Variants in LPIN1 observed in about 807,000 individuals in gnomAD.
LPIN1 encodes phosphatidate phosphatase LPIN1.
LPIN1 carries 71 observed loss-of-function variants against 107.5 expected under a neutral mutation model. The observed-to-expected ratio is 0.66, with a 90% CI of 0.55 to 0.80. LPIN1 has a LOEUF of 0.80. Ranked by LOEUF, LPIN1 falls within the 30% of genes least tolerant of loss-of-function variation. The pLI is 0.00. For missense variants in LPIN1, 1,043 were observed against 1,160.6 expected (o/e 0.90, Z 1.47); for synonymous variants, 445 against 452.6 (o/e 0.98, Z 0.21).
At chr2:11,760,901 A>T (rs1669720449) in intron 1 of LPIN1, among the ~76,000 whole-genome samples, 1 of 151,926 alleles carries the variant, frequency 6.6e-6, no homozygotes, top group Non-Finnish European at 1.5e-5. Flanking sequence ...AGGCAAAGAG[A>T]TGGGGGGGAC....
chr2:11,742,311 C>T (rs1388896431), upstream of LPIN1, among the ~76,000 whole-genome samples: 1 of 152,042 alleles, frequency 6.6e-6, no homozygotes, highest in Non-Finnish European at 1.5e-5. Flanking sequence ...ACATACTGAC[C>T]CATTGTTTGC....
At chr2:11,821,887 G>A (rs971873730) in intron 20 of LPIN1, among the ~76,000 whole-genome samples, 3 of 152,158 alleles carry the variant, frequency 2.0e-5, no homozygotes, top group African/African-American at 7.2e-5. Context: ...TGCAGAAGGC[G>A]AGGCAGTGCC....
At chr2:11,808,320 C>G (rs572308850) in intron 17 of LPIN1, among the ~76,000 whole-genome samples, 1 of 152,150 alleles carries the variant, frequency 6.6e-6, no homozygotes, top group African/African-American at 2.4e-5. Context: ...CCTCCTCACA[C>G]GAGGGCCTTA....
At chr2:11,732,668 G>T (rs1279696050) in intron 1 of LPIN1, among the ~76,000 whole-genome samples, 2 of 152,104 alleles carry the variant, frequency 1.3e-5, no homozygotes, top group East Asian at 3.8e-4. Context: ...CTGATAAATG[G>T]CAATGTCATA....
At chr2:11,815,272 T>C in intron 18 of LPIN1, 32 bp downstream of exon 18, 1 of 1,613,046 alleles carries the variant, frequency 6.2e-7, no homozygotes, top group South Asian at 1.1e-5. Context: ...CCTCCATCTG[T>C]GAGCCTGTTC....
upstream of LPIN1, among the ~76,000 whole-genome samples, chr2:11,742,578 G>A (rs1572508656): frequency 6.6e-6 from 1 of 152,206 alleles, no homozygotes. Flanking sequence ...CACTGTAACA[G>A]TCCACACTTC....
At chr2:11,778,382 G>A (rs1673014885) in intron 6 of LPIN1, among the ~76,000 whole-genome samples, 1 of 152,188 alleles carries the variant, frequency 6.6e-6, no homozygotes, top group African/African-American at 2.4e-5. Context: ...GAGAGAGATG[G>A]CACTTGGTCT....
At chr2:11,761,201 A>G (rs1226443464) in intron 1 of LPIN1, among the ~76,000 whole-genome samples, 2 of 152,234 alleles carry the variant, frequency 1.3e-5, no homozygotes, top group South Asian at 2.1e-4. Context: ...CTTACCAAAC[A>G]CACGTTAAAA....
Position 11,822,277 on chromosome 2 carries a change from CAAAAAAAA to C in LPIN1, c.2621+1780_2621+1787del, listed in dbSNP as rs751514674. Among the ~76,000 whole-genome samples the C allele has an allele frequency of 1.8e-3, 145 of 78,878 alleles. 5 individuals are homozygous for C. In the South Asian group the frequency reaches 0.058, roughly 32 times the overall value. The allele number at this position is 78,878 out of a possible 152,430, so 51.7% of individuals were successfully genotyped here. ...GAAACCCTGTCTCTACTAGAAATGC[CAAAAAAAA>C]AAAAAAAAAAAAAAAATTAGCCAGG... On this transcript the variant is annotated intron_variant, in intron 20 of 20. Coordinates refer to ENST00000674199, the MANE Select transcript of LPIN1 (RefSeq NM_001349206.2).
intron 1 of LPIN1, among the ~76,000 whole-genome samples, chr2:11,686,544 G>A (rs557009089): frequency 6.6e-6 from 1 of 152,186 alleles, no homozygotes; most frequent in Non-Finnish European, 1.5e-5. Context: ...GACAGAGGTT[G>A]TGTGGTGACT....
At chr2:11,787,583 G>A (rs955278163) in intron 11 of LPIN1, among the ~76,000 whole-genome samples, 2 of 151,832 alleles carry the variant, frequency 1.3e-5, no homozygotes, top group African/African-American at 2.4e-5. Context: ...CTTATTGAAT[G>A]TGAATAGTCA....
At position 11,808,276 on chromosome 2, in the gene LPIN1, G is replaced by T. The variant is rs146361281; in HGVS notation, c.2249+3120G>T. On this transcript the variant is annotated intron_variant, in intron 17 of 20. Transcript: ENST00000674199. ...GCAGCCTCCAGAGCCAACCACTGAT[G>T]AAAGTAATTCCCATCCTAGCAGGCT... Among the ~76,000 whole-genome samples, 131 of 152,258 alleles carry T rather than the reference G, an allele frequency of 8.6e-4. No individual in the cohort carries two copies. The East Asian group carries it at 0.024, about 28-fold the overall frequency.
At position 11,824,679 on chromosome 2, in the gene LPIN1, A is replaced by G. The variant is rs771825344; in HGVS notation, c.2669A>G (p.Lys890Arg). 5 of 1,614,112 alleles carry G rather than the reference A, an allele frequency of 3.1e-6. No homozygotes were observed. In the Admixed American group the frequency reaches 8.3e-5, roughly 27 times the overall value. Residue 890 changes from lysine to arginine, a missense_variant, in exon 21 of 21, where the codon AAA (lysine) becomes AGA (arginine). Physicochemically the swap from Lys to Arg is conservative, Grantham distance 26. Coordinates refer to ENST00000674199, the MANE Select transcript of LPIN1 (RefSeq NM_001349206.2). ...GTCGACCACGTTTTCCCGTTGCTGA[A>G]AAGAAGCCATTCTTCAGACTTTCCC... ...EVVDHVFPLL[K>R]RSHSSDFPCS...
chr2:11,759,513 C>T (rs918114232), intron 1 of LPIN1, among the ~76,000 whole-genome samples: 1 of 152,204 alleles, frequency 6.6e-6, no homozygotes, highest in Non-Finnish European at 1.5e-5. Context: ...GGTCATAGAT[C>T]AACAGCATCC....
chr2:11,796,564 C>T (rs1676752595), intron 14 of LPIN1, among the ~76,000 whole-genome samples: 1 of 152,156 alleles, frequency 6.6e-6, no homozygotes, highest in Non-Finnish European at 1.5e-5. Flanking sequence ...TGGCCTGGCT[C>T]GCTCTCGCCT....
intron 2 of LPIN1, among the ~76,000 whole-genome samples, chr2:11,717,617 G>A (rs938294020): frequency 6.6e-6 from 1 of 151,274 alleles, no homozygotes; most frequent in African/African-American, 2.4e-5. Context: ...CTATTTGGAC[G>A]ACCATATTTT....
chr2:11,772,268 C>A (rs1472842401), intron 4 of LPIN1, among the ~76,000 whole-genome samples: 4 of 152,282 alleles, frequency 2.6e-5, no homozygotes, highest in Middle Eastern at 3.4e-3. Flanking sequence ...CTAACAGGGG[C>A]ATGGACCCCA....
upstream of LPIN1, chr2:11,745,914 G>A (rs1163149357): frequency 1.3e-5 from 2 of 152,392 alleles, no homozygotes; most frequent in East Asian, 3.9e-4. Context: ...TAGAGTTTCA[G>A]TTCAAATATG....
In LPIN1 at chr2:11,752,433, A is replaced by ATTTTTTTTTTTTT. The variant is rs34156190; in HGVS notation, c.-10+5766_-10+5778dup. The stretch of plus-strand genomic sequence containing the variant: ...TTTTCTTTTGAGCTGTTCCAAGGCC[A>ATTTTTTTTTTTTT]TTTTTTTTTTTTTTTTGAGACGGAG... On this transcript the variant is annotated intron_variant, in intron 1 of 20. Coordinates refer to ENST00000674199, the MANE Select transcript of LPIN1 (RefSeq NM_001349206.2). 8.6e-3 allele frequency among the ~76,000 whole-genome samples: 894 copies of ATTTTTTTTTTTTT among 103,780 alleles called. 156 individuals are homozygous for ATTTTTTTTTTTTT. The highest frequency in any genetic ancestry group is 0.046 in the African/African-American group (818 of 17,634). The allele number at this position is 103,780 out of a possible 152,430, so 68.1% of individuals were successfully genotyped here. A position where few individuals can be genotyped will look rare whatever the true frequency, so the allele number is the denominator to read the frequency against.
Sources: allele counts gnomAD v4.1 joint callset (sites outside exome capture counted in the v4.1 genomes callset), GRCh38; gene constraint gnomAD v4.1.1; transcripts MANE v1.5; gene names NCBI Gene and HGNC (gene_info 2026-07-23, HGNC 2026-07-21).